LRRFIP1: variants seen among roughly 807,000 people sequenced by gnomAD.
The protein encoded by LRRFIP1 is leucine-rich repeat flightless-interacting protein 1.
LRRFIP1 carries 62 observed loss-of-function variants against 104.4 expected under a neutral mutation model. The observed-to-expected ratio is 0.59, with a 90% CI of 0.48 to 0.73. The LOEUF (loss-of-function observed/expected upper bound fraction) is 0.73, where lower values mean the gene tolerates loss of function less well. Ranked by LOEUF, LRRFIP1 falls within the 30% of genes least tolerant of loss-of-function variation. The pLI is 0.00. For missense variants in LRRFIP1, 796 were observed against 824.5 expected (o/e 0.97, Z 0.42); for synonymous variants, 300 against 299.0 (o/e 1.00, Z -0.03).
At chr2:237,672,976 A>G (rs539111080) in intron 1 of LRRFIP1, among the ~76,000 whole-genome samples, 3 of 152,332 alleles carry the variant, frequency 2.0e-5, no homozygotes, top group South Asian at 4.1e-4. Context: ...ATTCTTTTAC[A>G]ATACGATGAC....
intron 6 of LRRFIP1, chr2:237,722,002 T>C (rs1349669916): frequency 6.6e-6 from 1 of 152,252 alleles, no homozygotes; most frequent in Non-Finnish European, 1.5e-5. Context: ...CAAAGCTCAA[T>C]TGACAAAGTC....
intron 18 of LRRFIP1, among the ~76,000 whole-genome samples, chr2:237,759,089 C>G (rs2059595936): frequency 6.6e-6 from 1 of 152,164 alleles, no homozygotes; most frequent in East Asian, 1.9e-4. Flanking sequence ...AAATTTTTCT[C>G]ATACTCACTA....
At chr2:237,723,291 T>C (rs1222239820) in intron 6 of LRRFIP1, among the ~76,000 whole-genome samples, 1 of 152,252 alleles carries the variant, frequency 6.6e-6, no homozygotes, top group Non-Finnish European at 1.5e-5. Flanking sequence ...ATAAGATTTA[T>C]CAAACTGTTT....
rs1473124298 is a variant in LRRFIP1 at position 237,781,415 on chromosome 2, C to G, written c.*1883C>G. ...AGGTGAACTGGCAGAAGTCTCCCAG[C>G]TGGTAGAACAGGGCTGCAAGGCATC... is the stretch of plus-strand genomic sequence containing the variant. On this transcript the variant is annotated 3_prime_UTR_variant, in exon 24 of 24. Transcript: ENST00000308482. Among the ~76,000 whole-genome samples, 1 of 152,168 alleles carries G rather than the reference C, an allele frequency of 6.6e-6. No homozygotes were observed. Among genetic ancestry groups the G allele is most frequent in the African/African-American group, 2.4e-5 (1 of 41,432 alleles).
intron 1 of LRRFIP1, among the ~76,000 whole-genome samples, chr2:237,704,792 G>A (rs1036289360): frequency 4.0e-5 from 6 of 151,566 alleles, no homozygotes; most frequent in South Asian, 4.2e-4. Context: ...GGTGGAGATC[G>A]CCATAGTTGA....
chr2:237,745,077 A>C (rs2057647662), intron 11 of LRRFIP1, among the ~76,000 whole-genome samples: 1 of 152,228 alleles, frequency 6.6e-6, no homozygotes, highest in South Asian at 2.1e-4. Flanking sequence ...GATGAAACAC[A>C]ACATCTGATT....
At chr2:237,732,385 C>A (rs991764239) in intron 8 of LRRFIP1, among the ~76,000 whole-genome samples, 3 of 152,192 alleles carry the variant, frequency 2.0e-5, no homozygotes, top group Admixed American at 2.0e-4. Context: ...CTCCCACACC[C>A]CTGTCTGCCC....
chr2:237,726,344 G>A (rs1178654400), intron 7 of LRRFIP1, among the ~76,000 whole-genome samples: 1 of 152,054 alleles, frequency 6.6e-6, no homozygotes, highest in East Asian at 1.9e-4. Flanking sequence ...TAATCTGTCT[G>A]GAAATTCAAT....
chr2:237,763,293 G>T (rs761779745), intron 19 of LRRFIP1: 1 of 1,614,042 alleles, frequency 6.2e-7, no homozygotes, highest in South Asian at 1.1e-5. Flanking sequence ...GGAACTGAGG[G>T]CAACTGTCAG....
chr2:237,719,581 T>A lies in LRRFIP1; in HGVS notation c.294+14T>A. 1 of 1,603,604 alleles carries A rather than the reference T, an allele frequency of 6.2e-7. No individual in the cohort carries two copies. ...AGAAACACATCGGTTAGTACCGTGT[T>A]CATTCATTACTTGGGCAATTTGATT... On this transcript the variant is annotated intron_variant, in intron 5 of 23. Transcript: ENST00000308482.
chr2:237,714,001 T>A (rs369345047), intron 2 of LRRFIP1, among the ~76,000 whole-genome samples: 3 of 152,372 alleles, frequency 2.0e-5, no homozygotes, highest in South Asian at 4.1e-4. Flanking sequence ...ACTTCTGTAT[T>A]AGAATAATAG....
intron 23 of LRRFIP1, among the ~76,000 whole-genome samples, chr2:237,778,995 G>A (rs1340726960): frequency 8.5e-5 from 13 of 152,048 alleles, no homozygotes; most frequent in African/African-American, 2.2e-4. Context: ...AGGCCAAGGC[G>A]GACAGATCAC....
At chr2:237,706,606 C>T (rs1284727139) in intron 1 of LRRFIP1, among the ~76,000 whole-genome samples, 2 of 152,144 alleles carry the variant, frequency 1.3e-5, no homozygotes, top group African/African-American at 2.4e-5. Flanking sequence ...TCTCCTCCCT[C>T]TTTGCTTTTG....
At chr2:237,747,208 G>T (rs1448421051) in intron 11 of LRRFIP1, among the ~76,000 whole-genome samples, 1 of 152,200 alleles carries the variant, frequency 6.6e-6, no homozygotes, top group African/African-American at 2.4e-5. Flanking sequence ...TATTTTGTGG[G>T]ATTCCATTTG....
In LRRFIP1 at chr2:237,779,860, A is replaced by G. The variant is rs1182391504; in HGVS notation, c.*328A>G. ...GCCGCTGGAAGTGATGATCAAAGTA[A>G]AGATTCAGTTGGGACTTGAGTTTTT... On this transcript the variant is annotated 3_prime_UTR_variant, in exon 24 of 24. Coordinates refer to ENST00000308482, the MANE Select transcript of LRRFIP1 (RefSeq NM_001137550.2). 2 of 177,134 alleles carry G rather than the reference A, an allele frequency of 1.1e-5. No individual in the cohort carries two copies. Among genetic ancestry groups the G allele is most frequent in the African/African-American group, 4.8e-5 (2 of 41,964 alleles). The allele number at this position is 177,134 out of a possible 1,614,324, so 11.0% of individuals were successfully genotyped here. A position where few individuals can be genotyped will look rare whatever the true frequency, so the allele number is the denominator to read the frequency against.
Position 237,720,842 on chromosome 2 carries a change from G to T in LRRFIP1, c.345+20G>T, listed in dbSNP as rs75390887. 1,794 of 1,611,808 alleles carry T rather than the reference G, an allele frequency of 1.1e-3. 18 individuals are homozygous for T. In the African/African-American group the frequency reaches 0.019, roughly 17 times the overall value. On this transcript the variant is annotated intron_variant, in intron 6 of 23. Coordinates refer to ENST00000308482, the MANE Select transcript of LRRFIP1 (RefSeq NM_001137550.2). ...CTGAGGGTCAGTAACCAGAATGATGGAGTTTGCATGGCACAGTTTCTGGTC... is the reference window on the plus strand; with the variant it reads ...CTGAGGGTCAGTAACCAGAATGATGTAGTTTGCATGGCACAGTTTCTGGTC...
chr2:237,706,678 A>T (rs553428420), intron 1 of LRRFIP1, among the ~76,000 whole-genome samples: 3 of 152,272 alleles, frequency 2.0e-5, no homozygotes, highest in African/African-American at 4.8e-5. Context: ...CCCAGGCTGG[A>T]GTGCAGTGGC....
Position 237,781,026 on chromosome 2 carries a change from G to A in LRRFIP1, c.*1494G>A, listed in dbSNP as rs938329462. Among the ~76,000 whole-genome samples the A allele has an allele frequency of 6.6e-6, 1 of 152,174 alleles. No homozygotes were observed. The highest frequency in any genetic ancestry group is 1.5e-5 in the Non-Finnish European group (1 of 68,042). On this transcript the variant is annotated 3_prime_UTR_variant, in exon 24 of 24. Coordinates refer to ENST00000308482, the MANE Select transcript of LRRFIP1 (RefSeq NM_001137550.2). The stretch of plus-strand genomic sequence containing the variant: ...CTGGGAGACCCACACTGCACACCCG[G>A]GCACCGTATGAACAGGAAAGAGGAA...
intron 13 of LRRFIP1, 111 bp from the exon 14 acceptor site, chr2:237,751,089 G>A: frequency 3.0e-6 from 2 of 661,142 alleles, no homozygotes; most frequent in South Asian, 4.1e-5. Context: ...AAATAAAAAA[G>A]AAAATTGGGT....
Sources: gnomAD v4.1 joint callset for allele counts (sites outside exome capture counted in the v4.1 genomes callset) on GRCh38, gnomAD v4.1.1 for gene constraint, MANE v1.5 for transcripts, NCBI Gene and HGNC (gene_info 2026-07-23, HGNC 2026-07-21) for gene names.